Variants in TRPM2 observed in about 807,000 individuals in gnomAD.
TRPM2 encodes the protein estrogen-responsive element-associated gene 1 protein.
TRPM2 carries 161 observed loss-of-function variants against 174.0 expected under a neutral mutation model. The ratio of observed to expected loss-of-function variants is 0.93; its 90% CI spans 0.81 to 1.05. The LOEUF is 1.05. Ranked by LOEUF, TRPM2 falls within the 50% of genes least tolerant of loss-of-function variation. The pLI, the probability that TRPM2 is intolerant of heterozygous loss-of-function variation, is 0.00. For synonymous variants in TRPM2, 954 were observed against 861.3 expected, an observed-to-expected ratio of 1.11 and a Z score of -1.88; for missense variants, 2,057 against 2,038.0, an observed-to-expected ratio of 1.01 and a Z score of -0.18.
intron 25 of TRPM2, 90 bp downstream of exon 25, chr21:44,425,917 C>G: frequency 7.3e-7 from 1 of 1,375,380 alleles, no homozygotes; most frequent in Non-Finnish European, 9.5e-7. Context: ...GGTATTAATC[C>G]TGGCTCCCAG....
At position 44,375,946 on chromosome 21, in the gene TRPM2, C is replaced by T. The variant is rs368732556; in HGVS notation, c.885C>T (p.Tyr295=). The change falls in exon 6 of 32, where the codon TAC becomes TAT. Residue 295 remains tyrosine (Y), a synonymous_variant. Coordinates refer to ENST00000397928, the MANE Select transcript of TRPM2 (RefSeq NM_003307.4). ...ILVDDGTHGQ[Y]GVEIPLRTRL... ...TGGACGACGGGACCCACGGCCAGTACGGGGTGGAGATTCCTCTGAGGACCA... is the reference window on the plus strand; with the variant it reads ...TGGACGACGGGACCCACGGCCAGTATGGGGTGGAGATTCCTCTGAGGACCA... The T allele has an allele frequency of 1.4e-5, 23 of 1,613,960 alleles. No individual in the cohort carries two copies. Among genetic ancestry groups the T allele is most frequent in the African/African-American group, 1.3e-4 (10 of 74,924 alleles).
Position 44,439,194 on chromosome 21 carries a change from C to T in TRPM2, c.4269+26C>T. On this transcript the variant is annotated intron_variant, in intron 30 of 31. Transcript: ENST00000397928. This position sits in a 1 kb window ranked among gnomAD's most constrained non-coding sequence, Gnocchi z 5.1. ...GTATTCCTGGCCTGTTTGCTCTGTTCCACCTGTGTGTCCCCAGGGCTGCAG... is the reference window on the plus strand; with the variant it reads ...GTATTCCTGGCCTGTTTGCTCTGTTTCACCTGTGTGTCCCCAGGGCTGCAG... The T allele has an allele frequency of 3.8e-6, 6 of 1,597,198 alleles. No homozygotes were observed. Among genetic ancestry groups the T allele is most frequent in the Non-Finnish European group, 5.1e-6 (6 of 1,165,564 alleles).
At chr21:44,440,584 C>T (rs1484630866) in intron 30 of TRPM2, among the ~76,000 whole-genome samples, 3 of 152,250 alleles carry the variant, frequency 2.0e-5, no homozygotes, top group Non-Finnish European at 2.9e-5. Context: ...AGGGCAAGGA[C>T]GTGTCTGTCC....
intron 27 of TRPM2, among the ~76,000 whole-genome samples, chr21:44,427,543 G>T (rs975871806): frequency 6.6e-6 from 1 of 152,184 alleles, no homozygotes; most frequent in African/African-American, 2.4e-5. Context: ...CCATCACACA[G>T]GTGAGGAAAC....
At chr21:44,404,708 A>C (rs140563060) in intron 16 of TRPM2, among the ~76,000 whole-genome samples, 1 of 152,084 alleles carries the variant, frequency 6.6e-6, no homozygotes, top group African/African-American at 2.4e-5. Flanking sequence ...GTGGATAGTG[A>C]TATGACAGCG....
Position 44,405,219 on chromosome 21 carries a change from C to A in TRPM2, c.2616C>A (p.Asp872Glu). 6.2e-7 allele frequency: 1 copy of A among 1,613,404 alleles called. No individual in the cohort carries two copies. The highest frequency in any genetic ancestry group is 8.5e-7 in the Non-Finnish European group (1 of 1,179,938). Residue 872 changes from aspartate (D) to glutamate (E), a missense_variant, in exon 17 of 32, where the codon GAC becomes GAA. Transcript: ENST00000397928. ...LYFSDFWNKL[D>E]VGAILLFVAG... ...TCAGTGACTTCTGGAATAAGCTGGA[C>A]GTCGGCGCAATCTTGCTCTTCGTGG...
At chr21:44,381,821 TG>T (rs1257641620) in intron 8 of TRPM2, among the ~76,000 whole-genome samples, 1 of 151,554 alleles carries the variant, frequency 6.6e-6, no homozygotes, top group East Asian at 1.9e-4. Context: ...GCAGGAGAAT[TG>T]CTTGAAGCCA....
At chr21:44,381,297 T>C (rs1343703276) in intron 8 of TRPM2, among the ~76,000 whole-genome samples, 2 of 151,816 alleles carry the variant, frequency 1.3e-5, no homozygotes, top group Non-Finnish European at 2.9e-5. Flanking sequence ...AAGATGCGTT[T>C]GTGGAGTTGC....
At chr21:44,355,482 C>G (rs2048034239) in intron 2 of TRPM2, among the ~76,000 whole-genome samples, 1 of 152,202 alleles carries the variant, frequency 6.6e-6, no homozygotes. Flanking sequence ...AGGCCTATTG[C>G]AGATGCTGCC....
At chr21:44,419,267 T>C (rs548991331) in intron 22 of TRPM2, among the ~76,000 whole-genome samples, 9 of 152,280 alleles carry the variant, frequency 5.9e-5, no homozygotes, top group African/African-American at 2.2e-4. Flanking sequence ...AGGAGCATCC[T>C]GGAGCTGGCA....
In TRPM2 at chr21:44,397,820, C is replaced by G. The variant is rs369352270; in HGVS notation, c.2006C>G (p.Thr669Arg). The change falls in exon 13 of 32, where the codon ACG (threonine) becomes AGG (arginine). Residue 669 changes from threonine to arginine, a missense_variant. By Grantham distance (71) the Thr-to-Arg change is moderately conservative. Transcript: ENST00000397928. ...GAACTGTCCAAGGAGGAGGAGGACA[C>G]GGACAGCTCGGAGGAGATGCTGGCG... ...LKELSKEEED[T>R]DSSEEMLALA... is the part of the protein sequence containing the mutation. 2 of 1,607,660 alleles carry G rather than the reference C, an allele frequency of 1.2e-6. No individual in the cohort carries two copies. Among genetic ancestry groups the G allele is most frequent in the Admixed American group, 3.4e-5 (2 of 59,536 alleles).
At chr21:44,402,666 G>A (rs1011720173) in intron 16 of TRPM2, among the ~76,000 whole-genome samples, 3 of 152,170 alleles carry the variant, frequency 2.0e-5, no homozygotes, top group Admixed American at 6.5e-5. Flanking sequence ...CTCATCAGGC[G>A]GACATTCCAA....
intron 22 of TRPM2, among the ~76,000 whole-genome samples, chr21:44,420,613 C>T (rs2050515601): frequency 6.6e-6 from 1 of 152,208 alleles, no homozygotes; most frequent in Non-Finnish European, 1.5e-5. Flanking sequence ...CTTGCTGTTG[C>T]CAAGTACAGC....
chr21:44,434,471 C>A (rs947001628), intron 27 of TRPM2, among the ~76,000 whole-genome samples: 3 of 151,970 alleles, frequency 2.0e-5, no homozygotes, highest in African/African-American at 7.3e-5. Flanking sequence ...CTTCTGTAGA[C>A]GTGGATGCCG....
In TRPM2 at chr21:44,353,794, A is replaced by G; in HGVS notation, c.94A>G (p.Asn32Asp). 2 of 1,604,340 alleles carry G rather than the reference A, an allele frequency of 1.2e-6. No homozygotes were observed. The highest frequency in any genetic ancestry group is 1.7e-6 in the Non-Finnish European group (2 of 1,176,018). Residue 32 changes from asparagine to aspartate, a missense_variant, in exon 1 of 32, where the codon AAT (asparagine) becomes GAT (aspartate). By Grantham distance (23) the Asn-to-Asp change is conservative. Transcript: ENST00000397928. ...RRVTDLGMVS[N>D]LRRSNSSLFK... Reference sequence around the variant, plus strand: ...GGTCACTGACCTGGGGATGGTCTCCAATCTCCGGCGCAGCAACAGCAGCCT... The same window carrying G: ...GGTCACTGACCTGGGGATGGTCTCCGATCTCCGGCGCAGCAACAGCAGCCT...
rs1367703928 is a variant in TRPM2, at chr21:44,438,384, G to T, written c.4168-683G>T. Among the ~76,000 whole-genome samples the T allele has an allele frequency of 6.6e-6, 1 of 152,192 alleles. No individual in the cohort carries two copies. The highest frequency in any genetic ancestry group is 1.5e-5 in the Non-Finnish European group (1 of 68,034). ...TCAGCTCAGGCTGGTCACTGAGAGGGGCACTCTGAGGGGCCTCCTGGGTTC... is the reference window on the plus strand; with the variant it reads ...TCAGCTCAGGCTGGTCACTGAGAGGTGCACTCTGAGGGGCCTCCTGGGTTC... On this transcript the variant is annotated intron_variant, in intron 29 of 31. Coordinates refer to ENST00000397928, the MANE Select transcript of TRPM2 (RefSeq NM_003307.4). The surrounding 1 kb of genome is among the most constrained non-coding windows in gnomAD (Gnocchi z 5.9).
At chr21:44,397,924 G>A in intron 13 of TRPM2, 48 bp downstream of exon 13, 1 of 1,521,966 alleles carries the variant, frequency 6.6e-7, no homozygotes, top group Non-Finnish European at 8.8e-7. Flanking sequence ...AGCCGTGCAT[G>A]CCCTCACCTG....
At position 44,401,803 on chromosome 21, in the gene TRPM2, A is replaced by T; in HGVS notation, c.2444A>T (p.Tyr815Phe). 1 of 1,613,836 alleles carries T rather than the reference A, an allele frequency of 6.2e-7. No homozygotes were observed. The highest frequency in any genetic ancestry group is 8.5e-7 in the Non-Finnish European group (1 of 1,180,002). ...SYFAFLCLFA[Y>F]VLMVDFQPVP... ...TTCGCCTTCCTCTGCCTGTTCGCCTACGTGCTCATGGTGGACTTCCAGCCT... is the reference window on the plus strand; with the variant it reads ...TTCGCCTTCCTCTGCCTGTTCGCCTTCGTGCTCATGGTGGACTTCCAGCCT... Residue 815 changes from tyrosine to phenylalanine, a missense_variant, in exon 16 of 32, where the codon TAC (tyrosine) becomes TTC (phenylalanine). Tyr to Phe is a conservative substitution (Grantham distance 22, BLOSUM62 3). Transcript: ENST00000397928.
chr21:44,439,216 G>A lies in TRPM2; in HGVS notation c.4269+48G>A. 6.4e-7 allele frequency: 1 copy of A among 1,553,916 alleles called. No individual in the cohort carries two copies. Among genetic ancestry groups the A allele is most frequent in the Non-Finnish European group, 8.9e-7 (1 of 1,128,234 alleles). On this transcript the variant is annotated intron_variant, in intron 30 of 31. Coordinates refer to ENST00000397928, the MANE Select transcript of TRPM2 (RefSeq NM_003307.4). This position sits in a 1 kb window ranked among gnomAD's most constrained non-coding sequence, Gnocchi z 5.1. Reference sequence around the variant, plus strand: ...GTTCCACCTGTGTGTCCCCAGGGCTGCAGGACAAACACAGTGTGATACTGG... The same window carrying A: ...GTTCCACCTGTGTGTCCCCAGGGCTACAGGACAAACACAGTGTGATACTGG...
Sources: gnomAD v4.1 joint callset for allele counts (sites outside exome capture counted in the v4.1 genomes callset) on GRCh38, gnomAD v4.1.1 for gene constraint, Gnocchi (gnomAD v3.1) non-coding constraint, MANE v1.5 for transcripts, NCBI Gene and HGNC (gene_info 2026-07-23, HGNC 2026-07-21) for gene names.